FNBP1L: variants seen among roughly 807,000 people sequenced by gnomAD.
FNBP1L encodes formin binding protein 1 like, also known as formin-binding protein 1-like.
In FNBP1L, 36 loss-of-function variants were observed where a neutral mutation model predicts 91.2. That is an observed-to-expected ratio of 0.39 (90% CI 0.30 to 0.52). FNBP1L has a LOEUF of 0.52. Among genes scored for constraint, FNBP1L ranks in the 20% least tolerant of loss-of-function variants. FNBP1L has a pLI of 0.66. For missense variants in FNBP1L, 571 were observed against 732.1 expected, an observed-to-expected ratio of 0.78 and a Z score of 2.54; for synonymous variants, 242 against 237.0, an observed-to-expected ratio of 1.02 and a Z score of -0.19.
chr1:93,491,512 C>A (rs1205881486), intron 1 of FNBP1L, among the ~76,000 whole-genome samples: 1 of 152,128 alleles, frequency 6.6e-6, no homozygotes, highest in Non-Finnish European at 1.5e-5. Context: ...ATCTCAGCCT[C>A]CCCGGTAGCT....
At chr1:93,452,251 A>C (rs1050987777) in intron 1 of FNBP1L, among the ~76,000 whole-genome samples, 5 of 152,212 alleles carry the variant, frequency 3.3e-5, no homozygotes, top group African/African-American at 1.2e-4. Flanking sequence ...TGATTGCATT[A>C]CCCAGAGTAT....
intron 1 of FNBP1L, among the ~76,000 whole-genome samples, chr1:93,455,396 T>C (rs147098287): frequency 6.6e-6 from 1 of 152,334 alleles, no homozygotes; most frequent in East Asian, 1.9e-4. Context: ...GCTGTATTGC[T>C]CAGTCTGGTC....
At chr1:93,541,087 G>T (rs1672029027) in intron 11 of FNBP1L, 31 bp downstream of exon 11, 3 of 1,529,768 alleles carry the variant, frequency 2.0e-6, no homozygotes, top group Non-Finnish European at 2.6e-6. Context: ...TATATACTGT[G>T]CCAACATTAA....
chr1:93,520,391 A>G (rs1160932667), intron 2 of FNBP1L, among the ~76,000 whole-genome samples: 2 of 152,212 alleles, frequency 1.3e-5, no homozygotes, highest in African/African-American at 4.8e-5. Context: ...ATTGTTTGCG[A>G]TGATGGACCA....
chr1:93,537,525 C>T (rs1671887976), intron 10 of FNBP1L, among the ~76,000 whole-genome samples: 1 of 152,114 alleles, frequency 6.6e-6, no homozygotes, highest in African/African-American at 2.4e-5. Flanking sequence ...AACATTATGA[C>T]AAACTTAACT....
intron 1 of FNBP1L, among the ~76,000 whole-genome samples, chr1:93,461,797 T>G: frequency 6.6e-6 from 1 of 152,290 alleles, no homozygotes. Context: ...AAAACAAATA[T>G]GTGGATATTT....
chr1:93,550,589 T>C (rs901657121), intron 15 of FNBP1L, among the ~76,000 whole-genome samples: 35 of 152,350 alleles, frequency 2.3e-4, no homozygotes, highest in African/African-American at 8.4e-4. Context: ...TCCTAATCCA[T>C]ACCTGCTGAA....
At chr1:93,505,807 T>C (rs1393163939) in intron 2 of FNBP1L, among the ~76,000 whole-genome samples, 2 of 152,202 alleles carry the variant, frequency 1.3e-5, no homozygotes, top group African/African-American at 2.4e-5. Context: ...GCCTCCTGAG[T>C]AGCTGGCACT....
intron 1 of FNBP1L, among the ~76,000 whole-genome samples, chr1:93,483,193 A>G (rs1194979457): frequency 0.057 from 300 of 5,238 alleles, 2 homozygotes; most frequent in East Asian, 0.21. Flanking sequence ...CTGTCTCGAA[A>G]AAAAAAAAAA....
chr1:93,501,706 T>A (rs144593654), intron 2 of FNBP1L, among the ~76,000 whole-genome samples: 1 of 152,220 alleles, frequency 6.6e-6, no homozygotes, highest in Non-Finnish European at 1.5e-5. Flanking sequence ...GTGAATCTAC[T>A]TCTAGGGCCC....
At chr1:93,501,441 A>T (rs1451764784) in intron 2 of FNBP1L, among the ~76,000 whole-genome samples, 1 of 152,176 alleles carries the variant, frequency 6.6e-6, no homozygotes. Flanking sequence ...GCGTGGATGT[A>T]TGAAGAGAGA....
intron 1 of FNBP1L, among the ~76,000 whole-genome samples, chr1:93,468,520 TC>T (rs773625373): frequency 1.1e-4 from 16 of 152,200 alleles, no homozygotes; most frequent in Non-Finnish European, 2.1e-4. Flanking sequence ...AGCCTCGACT[TC>T]CTGGGTTCAA....
At chr1:93,465,201 G>C (rs940245710) in intron 1 of FNBP1L, among the ~76,000 whole-genome samples, 1 of 149,578 alleles carries the variant, frequency 6.7e-6, no homozygotes, top group Admixed American at 6.7e-5. Context: ...TTTGGGGGGG[G>C]GGGTTCTTTT....
At chr1:93,484,201 A>G (rs939080220) in intron 1 of FNBP1L, among the ~76,000 whole-genome samples, 4 of 152,214 alleles carry the variant, frequency 2.6e-5, no homozygotes, top group Admixed American at 2.6e-4. Context: ...TGCTGGGATT[A>G]CAGGCGTGAG....
At chr1:93,487,173 CT>C (rs1239063356) in intron 1 of FNBP1L, among the ~76,000 whole-genome samples, 1 of 152,196 alleles carries the variant, frequency 6.6e-6, no homozygotes, top group Non-Finnish European at 1.5e-5. Flanking sequence ...AAGTGGAACA[CT>C]TTCTCCTCCT....
intron 1 of FNBP1L, among the ~76,000 whole-genome samples, chr1:93,458,620 AGGGATTACATCAAGC>A (rs1409955395): frequency 6.6e-6 from 1 of 152,206 alleles, no homozygotes; most frequent in Non-Finnish European, 1.5e-5. Flanking sequence ...AATGGACAAG[AGGGATTACATCAAGC>A]TAAAAAGCTT....
At position 93,522,130 on chromosome 1, in the gene FNBP1L, G is replaced by A. The variant is rs199520245; in HGVS notation, c.189G>A (p.Glu63=). Residue 63 remains glutamate, a synonymous_variant, in exon 3 of 17, where the codon GAG becomes GAA. Coordinates refer to ENST00000271234, the MANE Select transcript of FNBP1L (RefSeq NM_001164473.3). Reference sequence around the variant, plus strand: ...CCAAACGTTCATCCAAAGATGAAGAGCCACGGTAAATTACATACCTGTTCA... The same window carrying A: ...CCAAACGTTCATCCAAAGATGAAGAACCACGGTAAATTACATACCTGTTCA... The part of the protein sequence containing the change: ...YCPKRSSKDE[E]PRFTSCVAFF... The A allele has an allele frequency of 1.8e-4, 267 of 1,502,346 alleles. No individual in the cohort carries two copies. Among genetic ancestry groups the A allele is most frequent in the Non-Finnish European group, 2.2e-4 (251 of 1,123,486 alleles). The allele number at this position is 1,502,346 out of a possible 1,614,324, so 93.1% of individuals were successfully genotyped here.
At chr1:93,524,581 C>CTTTTTTT (rs34173735) in intron 5 of FNBP1L, among the ~76,000 whole-genome samples, 146 of 113,226 alleles carry the variant, frequency 1.3e-3, no homozygotes, top group Middle Eastern at 5.1e-3. Context: ...TAAGGAGATT[C>CTTTTTTT]TTTTTTTTTT....
intron 12 of FNBP1L, among the ~76,000 whole-genome samples, chr1:93,545,772 A>G (rs1022188364): frequency 6.6e-6 from 1 of 152,064 alleles, no homozygotes; most frequent in East Asian, 1.9e-4. Flanking sequence ...AGGAATAGAT[A>G]AAAGAATCAT....
Sources: allele counts gnomAD v4.1 joint callset (sites outside exome capture counted in the v4.1 genomes callset), GRCh38; gene constraint gnomAD v4.1.1; transcripts MANE v1.5; gene names NCBI Gene and HGNC (gene_info 2026-07-23, HGNC 2026-07-21).